The following PCSK5 variants were observed in gnomAD, a reference collection of about 807,000 sequenced individuals.
PCSK5 encodes prohormone convertase 5.
A neutral mutation model predicts 233.2 loss-of-function variants in PCSK5; 129 were observed. The observed-to-expected ratio is 0.55, with a 90% CI of 0.48 to 0.64. PCSK5 has a LOEUF of 0.64. Ranked by LOEUF, PCSK5 falls within the 30% of genes least tolerant of loss-of-function variation. The probability of loss-of-function intolerance (pLI) is 0.00; values close to 1 mark genes in which losing one functional copy is unlikely to be tolerated. For missense variants in PCSK5, 2,076 were observed against 2,430.1 expected (o/e 0.85, Z 3.06); for synonymous variants, 825 against 879.2 (o/e 0.94, Z 1.09).
intron 3 of PCSK5, among the ~76,000 whole-genome samples, chr9:76,022,373 G>A (rs1037349366): frequency 1.2e-4 from 18 of 152,150 alleles, no homozygotes; most frequent in Non-Finnish European, 2.2e-4. Context: ...TGAATCCATG[G>A]CAGTGAAGTC....
chr9:76,345,101 A>G (rs1318789351), intron 35 of PCSK5, among the ~76,000 whole-genome samples: 4 of 152,194 alleles, frequency 2.6e-5, no homozygotes, highest in Non-Finnish European at 5.9e-5. Flanking sequence ...GTACCCAATA[A>G]GTAGTTTTTC....
rs1564009494 is a variant in PCSK5, at chr9:76,071,917, G to A, written c.894+19G>A. The A allele has an allele frequency of 6.2e-7, 1 of 1,611,276 alleles. No individual in the cohort carries two copies. Among genetic ancestry groups the A allele is most frequent in the South Asian group, 1.1e-5 (1 of 90,802 alleles). ...TAGAATGGTAGGTTTTAAAAGCATG[G>A]AGGCTTATACTGTGTGGATGGGTGA... On this transcript the variant is annotated intron_variant, in intron 7 of 37. Transcript: ENST00000674117.
chr9:76,245,408 CA>C (rs1826559482), intron 24 of PCSK5, among the ~76,000 whole-genome samples: 1 of 151,878 alleles, frequency 6.6e-6, no homozygotes, highest in South Asian at 2.1e-4. Flanking sequence ...ATATATGCAC[CA>C]AAAGGATTTT....
intron 24 of PCSK5, among the ~76,000 whole-genome samples, chr9:76,258,389 G>A (rs1337794579): frequency 6.6e-6 from 1 of 152,206 alleles, no homozygotes; most frequent in Non-Finnish European, 1.5e-5. Flanking sequence ...TTGGAGGTGA[G>A]TCTTGAGAGA....
At chr9:76,078,972 T>C (rs1309174966) in intron 7 of PCSK5, among the ~76,000 whole-genome samples, 3 of 152,198 alleles carry the variant, frequency 2.0e-5, no homozygotes, top group Non-Finnish European at 4.4e-5. Flanking sequence ...ATGTTTTTTC[T>C]ATTTGTTTGT....
chr9:76,260,711 C>A (rs943357952), intron 24 of PCSK5, among the ~76,000 whole-genome samples: 2 of 152,222 alleles, frequency 1.3e-5, no homozygotes, highest in Non-Finnish European at 1.5e-5. Context: ...TGCTGCCACT[C>A]TGCTTTTAGC....
rs148160614 is a variant in PCSK5 at position 75,974,947 on chromosome 9, C to T, written c.298-11185C>T. On this transcript the variant is annotated intron_variant, in intron 2 of 37. Coordinates refer to ENST00000674117, the MANE Select transcript of PCSK5 (RefSeq NM_001372043.1). ...GAAAAGACTAATTTTTACCCATCTC[C>T]CTTTGATTCATAAAGCTAGAGCTTG... Among the ~76,000 whole-genome samples the T allele has an allele frequency of 1.2e-4, 18 of 152,296 alleles. No individual in the cohort carries two copies. In the East Asian group the frequency reaches 2.1e-3, roughly 18 times the overall value.
At chr9:75,947,710 G>T (rs2377425) in intron 2 of PCSK5, among the ~76,000 whole-genome samples, 1 of 151,912 alleles carries the variant, frequency 6.6e-6, no homozygotes, top group African/African-American at 2.4e-5. Context: ...TCACTTTTGT[G>T]CAGAGAAAAA....
At chr9:76,132,870 G>T (rs73650459) in intron 9 of PCSK5, among the ~76,000 whole-genome samples, 1 of 151,788 alleles carries the variant, frequency 6.6e-6, no homozygotes, top group African/African-American at 2.4e-5. Context: ...CTAGAAGGCC[G>T]CCCTGACCAC....
At position 76,315,796 on chromosome 9, in the gene PCSK5, C is replaced by T. The variant is rs368397764; in HGVS notation, c.3884+4945C>T. 7.9e-5 allele frequency among the ~76,000 whole-genome samples: 12 copies of T among 151,956 alleles called. No homozygotes were observed. In the South Asian group the frequency reaches 1.9e-3, roughly 24 times the overall value. On this transcript the variant is annotated intron_variant, in intron 30 of 37. Transcript: ENST00000674117. ...TACAGGCGCCCACCATCAAGCTCGA[C>T]TAATTTTTGTATTTTTGTAGAGACA...
At chr9:76,163,179 T>A (rs1442084682) in intron 12 of PCSK5, among the ~76,000 whole-genome samples, 3 of 152,234 alleles carry the variant, frequency 2.0e-5, no homozygotes, top group African/African-American at 7.2e-5. Flanking sequence ...TACTTAGACA[T>A]TTCAGTGAGG....
At chr9:76,323,023 G>A (rs1404918613) in intron 31 of PCSK5, 29 bp from the exon 32 acceptor site, 3 of 1,272,764 alleles carry the variant, frequency 2.4e-6, no homozygotes, top group African/African-American at 1.5e-5. Context: ...ACCCCCCGGG[G>A]ATAACTTGCT....
intron 9 of PCSK5, among the ~76,000 whole-genome samples, chr9:76,109,451 A>G (rs1832116286): frequency 6.6e-6 from 1 of 150,558 alleles, no homozygotes; most frequent in Admixed American, 6.6e-5. Flanking sequence ...AAAAAAAAAC[A>G]GTTCTTTTAA....
At position 76,227,558 on chromosome 9, in the gene PCSK5, G is replaced by T. The variant is rs759735017; in HGVS notation, c.2682G>T (p.Lys894Asn). The T allele has an allele frequency of 6.2e-7, 1 of 1,612,324 alleles. No homozygotes were observed. Among genetic ancestry groups the T allele is most frequent in the South Asian group, 1.1e-5 (1 of 90,898 alleles). The part of the protein sequence containing the change: ...HCQTCEASCA[K>N]CQGPTQEDCT... Reference sequence around the variant, plus strand: ...AGACCTGTGAGGCCTCATGTGCCAAGTGCCAGGGACCAACCCAGGAAGACT... The same window carrying T: ...AGACCTGTGAGGCCTCATGTGCCAATTGCCAGGGACCAACCCAGGAAGACT... Residue 894 changes from lysine (K) to asparagine (N), a missense_variant, in exon 21 of 38, where the codon AAG becomes AAT. Lys to Asn is a moderately conservative substitution (Grantham distance 94). Transcript: ENST00000674117.
chr9:76,018,436 C>G (rs1828044582), intron 3 of PCSK5, among the ~76,000 whole-genome samples: 1 of 152,158 alleles, frequency 6.6e-6, no homozygotes, highest in African/African-American at 2.4e-5. Flanking sequence ...AACTCCGCCT[C>G]CTGTCGAATC....
rs567116432 is a variant in PCSK5, at chr9:76,354,398, G to C, written c.5254+179G>C. On this transcript the variant is annotated intron_variant, in intron 37 of 37. Transcript: ENST00000674117. ...TGACCATTGTCTCACTTCACAAGTA[G>C]GGATTATCAGTCCCATTTTACAGAT... 2.0e-5 allele frequency among the ~76,000 whole-genome samples: 3 copies of C among 152,318 alleles called. No individual in the cohort carries two copies. In the South Asian group the frequency reaches 6.2e-4, roughly 32 times the overall value.
chr9:76,284,395 G>A (rs747952846), intron 24 of PCSK5, among the ~76,000 whole-genome samples: 2 of 152,008 alleles, frequency 1.3e-5, no homozygotes, highest in Non-Finnish European at 2.9e-5. Flanking sequence ...TTTTATAAAG[G>A]ACAGATACCC....
intron 1 of PCSK5, among the ~76,000 whole-genome samples, chr9:75,923,934 G>A (rs934750085): frequency 1.3e-5 from 2 of 152,002 alleles, no homozygotes; most frequent in Non-Finnish European, 2.9e-5. Flanking sequence ...CTTTCTTTCT[G>A]ACTTCTCCTT....
At chr9:76,170,833 G>T (rs559374766) in intron 13 of PCSK5, among the ~76,000 whole-genome samples, 2 of 152,198 alleles carry the variant, frequency 1.3e-5, no homozygotes, top group Admixed American at 1.3e-4. Flanking sequence ...GGGATAAAGG[G>T]CACGTTTGCC....
Sources: allele counts gnomAD v4.1 joint callset (sites outside exome capture counted in the v4.1 genomes callset), GRCh38; gene constraint gnomAD v4.1.1; transcripts MANE v1.5; gene names NCBI Gene and HGNC (gene_info 2026-07-23, HGNC 2026-07-21).